OR3A2: variants seen among roughly 807,000 people sequenced by gnomAD.
OR3A2 encodes the protein olfactory receptor family 3 subfamily A member 2.
For missense variants in OR3A2, 318 were observed against 392.8 expected (o/e 0.81, Z 1.61); for synonymous variants, 126 against 159.3 (o/e 0.79, Z 1.57).
intron 3 of OR3A2, among the ~76,000 whole-genome samples, chr17:3,322,269 C>T (rs917662245): frequency 3.3e-5 from 5 of 151,818 alleles, no homozygotes; most frequent in African/African-American, 1.2e-4. Flanking sequence ...CTCTTTTCTT[C>T]TTTATTAGTC....
chr17:3,372,859 G>A (rs1381327292), intron 2 of OR3A2, among the ~76,000 whole-genome samples: 1 of 24,960 alleles, frequency 4.0e-5, no homozygotes, highest in African/African-American at 2.3e-4. Context: ...GAGAGGGAGA[G>A]GGAGAGGGAG....
At chr17:3,323,924 G>A (rs376708376) in intron 3 of OR3A2, among the ~76,000 whole-genome samples, 1 of 152,044 alleles carries the variant, frequency 6.6e-6, no homozygotes, top group Non-Finnish European at 1.5e-5. Context: ...GATGGGGGAA[G>A]TTCTCCTGGA....
intron 1 of OR3A2, among the ~76,000 whole-genome samples, chr17:3,280,933 C>G (rs1219488447): frequency 6.6e-6 from 1 of 152,162 alleles, no homozygotes; most frequent in East Asian, 1.9e-4. Context: ...TCACTAAGAT[C>G]TGGAAAGCAG....
chr17:3,385,533 C>A (rs766246843), intron 1 of OR3A2, among the ~76,000 whole-genome samples: 1 of 152,070 alleles, frequency 6.6e-6, no homozygotes, highest in Non-Finnish European at 1.5e-5. Context: ...AGGCACTGTG[C>A]GAAGTATTTT....
At chr17:3,333,833 GA>G (rs1014065972) in intron 3 of OR3A2, among the ~76,000 whole-genome samples, 2 of 151,968 alleles carry the variant, frequency 1.3e-5, no homozygotes, top group Admixed American at 6.6e-5. Context: ...CAGAATGGGA[GA>G]AAAATTTTCC....
chr17:3,298,914 G>A (rs985810372), intron 3 of OR3A2, among the ~76,000 whole-genome samples: 2 of 152,124 alleles, frequency 1.3e-5, no homozygotes, highest in Non-Finnish European at 1.5e-5. Context: ...GCCCTTCCAG[G>A]AAGGTTCGGA....
chr17:3,318,426 T>A (rs2049093887), intron 3 of OR3A2, among the ~76,000 whole-genome samples: 1 of 152,192 alleles, frequency 6.6e-6, no homozygotes, highest in South Asian at 2.1e-4. Flanking sequence ...AGCAGGAAGA[T>A]GAGTTTAAAA....
At chr17:3,331,642 T>A (rs1234492702) in intron 3 of OR3A2, among the ~76,000 whole-genome samples, 2 of 151,788 alleles carry the variant, frequency 1.3e-5, no homozygotes, top group African/African-American at 4.9e-5. Context: ...GTTTTCAACT[T>A]CTTTGCCTTT....
At chr17:3,288,920 C>A (rs979139665), upstream of OR3A2, among the ~76,000 whole-genome samples, 20 of 152,076 alleles carry the variant, frequency 1.3e-4, no homozygotes, top group African/African-American at 4.8e-4. Context: ...AAAATAGGAA[C>A]TAAATTACAT....
intron 3 of OR3A2, among the ~76,000 whole-genome samples, chr17:3,330,345 C>A (rs2049219814): frequency 6.7e-6 from 1 of 149,954 alleles, no homozygotes; most frequent in South Asian, 2.1e-4. Flanking sequence ...GTGTGGGAGT[C>A]TAAGTCTCTT....
In OR3A2 at chr17:3,350,690, A is replaced by G. The variant is rs1386389511; in HGVS notation, c.-178-14564T>C. ...CCTCCCTAACTCATTTTATGAGGCC[A>G]GCATCATCCTGATACCAAAGCCGGG... On this transcript the variant is annotated intron_variant, in intron 2 of 4. Coordinates refer to the OR3A2 transcript ENST00000573491. Among the ~76,000 whole-genome samples the G allele has an allele frequency of 7.9e-5, 12 of 151,650 alleles. No individual in the cohort carries two copies. In the East Asian group the frequency reaches 2.3e-3, roughly 29 times the overall value.
intron 3 of OR3A2, among the ~76,000 whole-genome samples, chr17:3,322,237 T>C (rs1365164145): frequency 6.6e-6 from 1 of 152,160 alleles, no homozygotes; most frequent in Non-Finnish European, 1.5e-5. Flanking sequence ...TTTTCATTTT[T>C]ATTCATCTAT....
At chr17:3,378,281 C>T (rs1388509254) in intron 2 of OR3A2, among the ~76,000 whole-genome samples, 2 of 152,216 alleles carry the variant, frequency 1.3e-5, no homozygotes, top group Non-Finnish European at 2.9e-5. Context: ...TCTTTGGTGT[C>T]CAAAGTCTGG....
At chr17:3,297,528 A>G (rs1285352426) in intron 3 of OR3A2, among the ~76,000 whole-genome samples, 2 of 147,984 alleles carry the variant, frequency 1.4e-5, no homozygotes, top group Non-Finnish European at 2.9e-5. Flanking sequence ...GTCCTGCCCC[A>G]TCTCATATTC....
At position 3,350,983 on chromosome 17, in the gene OR3A2, A is replaced by T. The variant is rs570792466; in HGVS notation, c.-178-14857T>A. Among the ~76,000 whole-genome samples, 12 of 151,964 alleles carry T rather than the reference A, an allele frequency of 7.9e-5. No individual in the cohort carries two copies. The South Asian group carries it at 2.5e-3, about 32-fold the overall frequency. ...AAAAGGCCTTTGACAAAATTCAACAACCTTTCATGCTAAAAACTCTCAATA... is the reference window on the plus strand; with the variant it reads ...AAAAGGCCTTTGACAAAATTCAACATCCTTTCATGCTAAAAACTCTCAATA... On this transcript the variant is annotated intron_variant, in intron 2 of 4. Transcript: ENST00000573491.
chr17:3,315,450 A>C (rs552537193), intron 3 of OR3A2, among the ~76,000 whole-genome samples: 1 of 152,270 alleles, frequency 6.6e-6, no homozygotes, highest in East Asian at 1.9e-4. Context: ...GATGCTGAGC[A>C]CTTTTTCCTG....
chr17:3,293,176 G>A (rs2048891212), intron 3 of OR3A2, among the ~76,000 whole-genome samples: 1 of 150,574 alleles, frequency 6.6e-6, no homozygotes. Flanking sequence ...AGGGTGGGTA[G>A]GGGGAGGCAA....
chr17:3,386,243 T>C (rs2049775664), exon 1 of OR3A2: 1 of 398,560 alleles, frequency 2.5e-6, no homozygotes, highest in Non-Finnish European at 4.4e-6. Context: ...TACTTCTTCG[T>C]GGCTCTGGGC....
At chr17:3,286,486 G>A (rs377123616), upstream of OR3A2, among the ~76,000 whole-genome samples, 4 of 152,118 alleles carry the variant, frequency 2.6e-5, no homozygotes, top group Admixed American at 6.5e-5. Context: ...TTGAGGAATC[G>A]CCACACTGTC....
Sources: allele counts gnomAD v4.1 joint callset (sites outside exome capture counted in the v4.1 genomes callset), GRCh38; gene constraint gnomAD v4.1.1; transcripts MANE v1.5; gene names NCBI Gene and HGNC (gene_info 2026-07-23, HGNC 2026-07-21).